Variants in IMPG2 observed in about 807,000 individuals in gnomAD.
IMPG2 encodes interphotoreceptor matrix proteoglycan 2.
In IMPG2, 91 loss-of-function variants were observed where a neutral mutation model predicts 129.2. The ratio of observed to expected loss-of-function variants is 0.70; its 90% CI spans 0.59 to 0.84. The LOEUF is 0.84. Among genes scored for constraint, IMPG2 ranks in the 40% least tolerant of loss-of-function variants. The probability of loss-of-function intolerance (pLI) is 0.00; values close to 1 mark genes in which losing one functional copy is unlikely to be tolerated. For synonymous variants in IMPG2, 510 were observed against 517.7 expected, an observed-to-expected ratio of 0.99 and a Z score of 0.20; for missense variants, 1,430 against 1,461.7, an observed-to-expected ratio of 0.98 and a Z score of 0.35.
chr3:101,294,414 A>C (rs1328055031), intron 3 of IMPG2, among the ~76,000 whole-genome samples: 14 of 152,152 alleles, frequency 9.2e-5, no homozygotes, highest in Admixed American at 9.2e-4. Flanking sequence ...TCTGCAAAGG[A>C]CATGCTCTCA....
At position 101,319,651 on chromosome 3, in the gene IMPG2, C is replaced by T; in HGVS notation, c.267G>A (p.Val89=). Reference sequence around the variant, plus strand: ...CAACACTTTCATCTGGGCAGATTTTCACTCCATTAGGAAACAGAATAGATC... The same window carrying T: ...CAACACTTTCATCTGGGCAGATTTTTACTCCATTAGGAAACAGAATAGATC... ...RRRSILFPNG[V]KICPDESVAE... The change falls in exon 2 of 19, where the codon GTG becomes GTA. Residue 89 remains valine (V), a synonymous_variant. Transcript: ENST00000193391. 6.2e-7 allele frequency: 1 copy of T among 1,613,762 alleles called. No homozygotes were observed. Among genetic ancestry groups the T allele is most frequent in the South Asian group, 1.1e-5 (1 of 91,078 alleles).
At chr3:101,236,833 A>G (rs974547045) in intron 14 of IMPG2, among the ~76,000 whole-genome samples, 1 of 151,500 alleles carries the variant, frequency 6.6e-6, no homozygotes, top group Non-Finnish European at 1.5e-5. Context: ...TGTTTTTCAT[A>G]CCCTGGTGGC....
At chr3:101,276,541 G>A (rs546716464) in intron 5 of IMPG2, 123 bp downstream of exon 5, 31 of 692,500 alleles carry the variant, frequency 4.5e-5, no homozygotes, top group South Asian at 1.8e-4. Context: ...CTTGAAAAAC[G>A]TATTAAAAAA....
intron 4 of IMPG2, among the ~76,000 whole-genome samples, chr3:101,289,310 T>C (rs1446340978): frequency 1.3e-5 from 2 of 152,200 alleles, no homozygotes; most frequent in East Asian, 3.9e-4. Flanking sequence ...TTAATAGAGG[T>C]TAAAAATCAG....
chr3:101,232,474 G>A (rs1028381262), intron 15 of IMPG2, among the ~76,000 whole-genome samples: 10 of 152,042 alleles, frequency 6.6e-5, no homozygotes, highest in African/African-American at 2.4e-4. Context: ...CCGACCTCAG[G>A]TGATCCACCC....
intron 3 of IMPG2, among the ~76,000 whole-genome samples, chr3:101,299,937 G>T (rs949564327): frequency 1.1e-4 from 16 of 152,218 alleles, no homozygotes; most frequent in African/African-American, 3.6e-4. Flanking sequence ...GGTGGAGGGG[G>T]TGTGCTTCAC....
At chr3:101,237,106 T>C (rs1359851014) in intron 14 of IMPG2, among the ~76,000 whole-genome samples, 1 of 152,088 alleles carries the variant, frequency 6.6e-6, no homozygotes, top group East Asian at 1.9e-4. Flanking sequence ...GCCCGGAAAT[T>C]TGAACTGGGT....
At chr3:101,228,594 C>T (rs1169888350) in intron 18 of IMPG2, among the ~76,000 whole-genome samples, 2 of 152,212 alleles carry the variant, frequency 1.3e-5, no homozygotes, top group South Asian at 2.1e-4. Flanking sequence ...ATAAGAAACA[C>T]TCAATTTACA....
intron 15 of IMPG2, among the ~76,000 whole-genome samples, chr3:101,231,420 A>G (rs1461755088): frequency 6.6e-6 from 1 of 152,224 alleles, no homozygotes; most frequent in Admixed American, 6.5e-5. Context: ...TAACATCCTT[A>G]TTTATAGATA....
At chr3:101,228,299 T>G (rs1426634702) in intron 18 of IMPG2, among the ~76,000 whole-genome samples, 1 of 152,184 alleles carries the variant, frequency 6.6e-6, no homozygotes, top group Admixed American at 6.5e-5. Context: ...CTGAAAAGTA[T>G]CTACAGAGAT....
chr3:101,232,504 C>T (rs1024893702), intron 15 of IMPG2, among the ~76,000 whole-genome samples: 9 of 152,052 alleles, frequency 5.9e-5, no homozygotes, highest in Admixed American at 1.3e-4. Flanking sequence ...TCCCAAAGTG[C>T]TGGGATTACA....
chr3:101,247,289 C>T (rs1190803588), intron 11 of IMPG2, among the ~76,000 whole-genome samples: 2 of 152,080 alleles, frequency 1.3e-5, no homozygotes, highest in Non-Finnish European at 2.9e-5. Flanking sequence ...AAAGAACAAT[C>T]CTTTTCAGTC....
At chr3:101,256,873 T>C (rs968286537) in intron 10 of IMPG2, among the ~76,000 whole-genome samples, 2 of 152,090 alleles carry the variant, frequency 1.3e-5, no homozygotes, top group Non-Finnish European at 2.9e-5. Flanking sequence ...GTGGCCCTGA[T>C]GAGTTAAGAT....
intron 14 of IMPG2, among the ~76,000 whole-genome samples, chr3:101,237,992 C>T (rs754709056): frequency 2.0e-4 from 31 of 151,888 alleles, no homozygotes; most frequent in Non-Finnish European, 3.2e-4. Context: ...TTAGACGAAT[C>T]GCTAACTAGA....
rs1334218368 is a variant in IMPG2, at chr3:101,244,314, A to T, written c.2017T>A (p.Ser673Thr). The T allele has an allele frequency of 1.2e-6, 2 of 1,613,854 alleles. No individual in the cohort carries two copies. The highest frequency in any genetic ancestry group is 1.7e-6 in the Non-Finnish European group (2 of 1,179,972). Residue 673 changes from serine (S) to threonine (T), a missense_variant, in exon 13 of 19, where the codon TCC (serine) becomes ACC (threonine). Ser to Thr is a moderately conservative substitution (Grantham distance 58). Coordinates refer to ENST00000193391, the MANE Select transcript of IMPG2 (RefSeq NM_016247.4). ...KHSKYEHDDR[S>T]THFPEEEPLS... Reference sequence around the variant, plus strand: ...GGCTCTTCCTCTGGAAAGTGTGTGGATCTGTCATCATGTTCATATTTTGAG... The same window carrying T: ...GGCTCTTCCTCTGGAAAGTGTGTGGTTCTGTCATCATGTTCATATTTTGAG...
chr3:101,250,408 C>T (rs573063432), intron 11 of IMPG2, among the ~76,000 whole-genome samples: 1 of 152,202 alleles, frequency 6.6e-6, no homozygotes, highest in East Asian at 1.9e-4. Flanking sequence ...AAAAATCTTA[C>T]GTTGGGAAGA....
intron 14 of IMPG2, among the ~76,000 whole-genome samples, chr3:101,235,090 C>A (rs111591763): frequency 1.6e-4 from 25 of 152,148 alleles, no homozygotes; most frequent in African/African-American, 6.0e-4. Flanking sequence ...TAATTTTGTG[C>A]GTAAGACAAA....
In IMPG2 at chr3:101,287,047, G is replaced by A. The variant is rs567093082; in HGVS notation, c.533+4432C>T. Among the ~76,000 whole-genome samples, 7 of 152,250 alleles carry A rather than the reference G, an allele frequency of 4.6e-5. No individual in the cohort carries two copies. The South Asian group carries it at 1.5e-3, about 32-fold the overall frequency. On this transcript the variant is annotated intron_variant, in intron 4 of 18. Transcript: ENST00000193391. ...AATCTCTTAGCAGGAAAAAAGCACA[G>A]ATCTAAATTTTTCCTCTTTGAATGA... is the stretch of plus-strand genomic sequence containing the variant.
At chr3:101,231,978 A>G (rs950150268) in intron 15 of IMPG2, among the ~76,000 whole-genome samples, 3 of 152,232 alleles carry the variant, frequency 2.0e-5, no homozygotes, top group Non-Finnish European at 4.4e-5. Flanking sequence ...TGAAAACTTT[A>G]AATACTTTAA....
Sources: allele counts gnomAD v4.1 joint callset (sites outside exome capture counted in the v4.1 genomes callset), GRCh38; gene constraint gnomAD v4.1.1; transcripts MANE v1.5; gene names NCBI Gene and HGNC (gene_info 2026-07-23, HGNC 2026-07-21).